FGGY: variants seen among roughly 807,000 people sequenced by gnomAD.
FGGY encodes FGGY carbohydrate kinase domain-containing protein.
Under a neutral mutation model 71.3 loss-of-function variants are expected in FGGY, and 72 were observed. The observed-to-expected ratio is 1.01, with a 90% CI of 0.84 to 1.23. The LOEUF is 1.23. FGGY is among the 50% of genes most tolerant of loss of function. The pLI is 0.00. For synonymous variants in FGGY, 251 were observed against 250.3 expected (o/e 1.00, Z -0.02); for missense variants, 668 against 682.3 (o/e 0.98, Z 0.23).
chr1:59,505,599 C>T (rs1434450001), intron 6 of FGGY, among the ~76,000 whole-genome samples: 2 of 152,152 alleles, frequency 1.3e-5, no homozygotes, highest in African/African-American at 4.8e-5. Context: ...TTTCCATGGG[C>T]CTGGAACCAA....
intron 5 of FGGY, among the ~76,000 whole-genome samples, chr1:59,396,464 C>T (rs1459130767): frequency 6.6e-6 from 1 of 152,122 alleles, no homozygotes; most frequent in Non-Finnish European, 1.5e-5. Context: ...CTCCTCCATT[C>T]AGCCCTGCTG....
At chr1:59,353,606 G>C (rs770290355) in intron 4 of FGGY, among the ~76,000 whole-genome samples, 5 of 152,130 alleles carry the variant, frequency 3.3e-5, no homozygotes, top group African/African-American at 4.8e-5. Context: ...CCTTCTACTT[G>C]TTTCCCTTGA....
chr1:59,617,882 A>T (rs886228079), intron 9 of FGGY, among the ~76,000 whole-genome samples: 1 of 152,038 alleles, frequency 6.6e-6, no homozygotes, highest in African/African-American at 2.4e-5. Context: ...GGATTTTAGG[A>T]TGTGTACATT....
chr1:59,547,246 C>T lies in FGGY; in HGVS notation c.800-6878C>T, dbSNP rs143117672. On this transcript the variant is annotated intron_variant, in intron 7 of 15. Coordinates refer to ENST00000303721, the MANE Select transcript of FGGY (RefSeq NM_018291.5). ...GATTACGGGCATAAGCCACCATGCC[C>T]GGCCACCTTTTTGACTGTTTTACTC... 3.4e-3 allele frequency among the ~76,000 whole-genome samples: 518 copies of T among 152,226 alleles called. 2 individuals are homozygous for T. The highest frequency in any genetic ancestry group is 0.012 in the African/African-American group (488 of 41,538).
At chr1:59,429,720 G>A (rs1416680777) in intron 5 of FGGY, among the ~76,000 whole-genome samples, 4 of 151,966 alleles carry the variant, frequency 2.6e-5, no homozygotes, top group Non-Finnish European at 4.4e-5. Flanking sequence ...ACAGACACAC[G>A]ACACACACGT....
intron 3 of FGGY, among the ~76,000 whole-genome samples, chr1:59,344,402 A>G (rs1238017216): frequency 3.3e-5 from 5 of 152,086 alleles, no homozygotes; most frequent in Non-Finnish European, 7.4e-5. Flanking sequence ...GAGGATAAAC[A>G]TGAAATTTTG....
At chr1:59,746,001 G>T (rs1256452042) in intron 14 of FGGY, among the ~76,000 whole-genome samples, 1 of 152,138 alleles carries the variant, frequency 6.6e-6, no homozygotes, top group East Asian at 1.9e-4. Flanking sequence ...GGAGATGAAG[G>T]TCCCGGAGGT....
At chr1:59,511,532 G>A (rs1020702656) in intron 6 of FGGY, among the ~76,000 whole-genome samples, 5 of 152,102 alleles carry the variant, frequency 3.3e-5, no homozygotes, top group African/African-American at 9.7e-5. Context: ...TGGTTCTCTG[G>A]GTTCTTATCT....
chr1:59,704,480 A>G (rs772518907), intron 14 of FGGY, among the ~76,000 whole-genome samples: 4 of 152,088 alleles, frequency 2.6e-5, no homozygotes, highest in Non-Finnish European at 5.9e-5. Context: ...GTATTCACAG[A>G]CATATATATA....
intron 5 of FGGY, among the ~76,000 whole-genome samples, chr1:59,427,631 CTG>C (rs2066626532): frequency 1.3e-5 from 2 of 152,216 alleles, no homozygotes; most frequent in African/African-American, 4.8e-5. Flanking sequence ...CCCCTTTCCT[CTG>C]TACCTGTCAC....
intron 2 of FGGY, among the ~76,000 whole-genome samples, chr1:59,327,134 T>G (rs931916848): frequency 6.6e-6 from 1 of 152,146 alleles, no homozygotes; most frequent in Non-Finnish European, 1.5e-5. Flanking sequence ...GGCAATTTTT[T>G]AAGTAAGGTT....
chr1:59,659,697 T>C (rs186983575), intron 11 of FGGY, among the ~76,000 whole-genome samples: 1 of 152,286 alleles, frequency 6.6e-6, no homozygotes, highest in Non-Finnish European at 1.5e-5. Flanking sequence ...TGATTGACTT[T>C]AATGGGATCC....
At chr1:59,551,291 A>T (rs2095604385) in intron 7 of FGGY, among the ~76,000 whole-genome samples, 1 of 152,188 alleles carries the variant, frequency 6.6e-6, no homozygotes, top group African/African-American at 2.4e-5. Flanking sequence ...CTCAGGTTCT[A>T]AGTCTAGATA....
At chr1:59,594,559 A>G (rs2096496298) in intron 8 of FGGY, among the ~76,000 whole-genome samples, 1 of 152,166 alleles carries the variant, frequency 6.6e-6, no homozygotes, top group African/African-American at 2.4e-5. Context: ...CAGTTCCACT[A>G]GCCCCCACGC....
At chr1:59,523,384 C>T (rs1019795384) in intron 7 of FGGY, among the ~76,000 whole-genome samples, 22 of 152,212 alleles carry the variant, frequency 1.4e-4, no homozygotes, top group African/African-American at 5.1e-4. Flanking sequence ...CTAGTTATTG[C>T]CCCAAGGCGG....
intron 5 of FGGY, among the ~76,000 whole-genome samples, chr1:59,429,863 G>A (rs777837718): frequency 4.6e-5 from 7 of 152,180 alleles, no homozygotes; most frequent in Non-Finnish European, 1.0e-4. Context: ...TGCAGATTTT[G>A]TTACACCCTT....
chr1:59,353,913 A>C (rs556091388), intron 4 of FGGY, among the ~76,000 whole-genome samples: 1 of 152,278 alleles, frequency 6.6e-6, no homozygotes, highest in South Asian at 2.1e-4. Context: ...CTAGTTAAAG[A>C]ATAAAGATAC....
intron 11 of FGGY, among the ~76,000 whole-genome samples, chr1:59,645,692 G>A (rs2097087685): frequency 1.3e-5 from 2 of 152,148 alleles, no homozygotes; most frequent in South Asian, 4.2e-4. Context: ...TTGTTTTGTG[G>A]TGTTTGGGAT....
chr1:59,322,468 A>G (rs2046577172), intron 2 of FGGY, among the ~76,000 whole-genome samples: 1 of 152,072 alleles, frequency 6.6e-6, no homozygotes, highest in Non-Finnish European at 1.5e-5. Flanking sequence ...CCGAGTTCCC[A>G]AAGTCCAATT....
Sources: gnomAD v4.1 joint callset for allele counts (sites outside exome capture counted in the v4.1 genomes callset) on GRCh38, gnomAD v4.1.1 for gene constraint, MANE v1.5 for transcripts, NCBI Gene and HGNC (gene_info 2026-07-23, HGNC 2026-07-21) for gene names.